The following XKR4 variants were observed in gnomAD, a reference collection of about 807,000 sequenced individuals.
XKR4 encodes XK-related protein 4.
XKR4 carries 12 observed loss-of-function variants against 53.9 expected under a neutral mutation model. The observed-to-expected ratio is 0.22, with a 90% CI of 0.14 to 0.36. The LOEUF is 0.36. Ranked by LOEUF, XKR4 falls within the 10% of genes least tolerant of loss-of-function variation. The pLI, the probability that XKR4 is intolerant of heterozygous loss-of-function variation, is 1.00. For synonymous variants in XKR4, 354 were observed against 362.4 expected (o/e 0.98, Z 0.26); for missense variants, 799 against 859.5 (o/e 0.93, Z 0.88).
chr8:55,421,169 T>C (rs1402545035), intron 2 of XKR4, among the ~76,000 whole-genome samples: 1 of 152,244 alleles, frequency 6.6e-6, no homozygotes, highest in East Asian at 1.9e-4. Context: ...TTGTAAAGTG[T>C]TCTGAGGTTT....
chr8:55,355,477 A>G (rs1803784538), intron 1 of XKR4, among the ~76,000 whole-genome samples: 1 of 152,200 alleles, frequency 6.6e-6, no homozygotes, highest in East Asian at 1.9e-4. Context: ...AAAAATTAAA[A>G]CTACACATGG....
intron 2 of XKR4, among the ~76,000 whole-genome samples, chr8:55,447,404 G>A (rs932893491): frequency 1.6e-4 from 24 of 152,164 alleles, no homozygotes; most frequent in African/African-American, 5.8e-4. Flanking sequence ...CCTGAGAGGG[G>A]AGAAAGGGAA....
chr8:55,256,597 G>A lies in XKR4; in HGVS notation c.807-101081G>A, dbSNP rs116527303. On this transcript the variant is annotated intron_variant, in intron 1 of 2. Coordinates refer to ENST00000327381, the MANE Select transcript of XKR4 (RefSeq NM_052898.2). ...CTTCATTTGCATGACTAGATGTAAG[G>A]GTATTTTCTCCATTGAGAGAGAGAA... 2.4e-3 allele frequency among the ~76,000 whole-genome samples: 370 copies of A among 152,324 alleles called. 2 individuals carry two copies. The highest frequency in any genetic ancestry group is 8.5e-3 in the African/African-American group (354 of 41,572).
intron 2 of XKR4, among the ~76,000 whole-genome samples, chr8:55,496,938 A>G (rs2129402917): frequency 1.3e-5 from 2 of 152,310 alleles, no homozygotes; most frequent in South Asian, 4.1e-4. Context: ...CAGCCTACCC[A>G]ATCTGTCCCT....
Position 55,490,930 on chromosome 8 carries a change from G to GC in XKR4, c.1007-32341dup, listed in dbSNP as rs113340434. On this transcript the variant is annotated intron_variant, in intron 2 of 2. Transcript: ENST00000327381. ...CATTATTTCTTCCAATATTTTTTCTGCCCCCCCCCCACCTTTATGACATTC... is the reference window on the plus strand; with the variant it reads ...CATTATTTCTTCCAATATTTTTTCTGCCCCCCCCCCCACCTTTATGACATTC... Among the ~76,000 whole-genome samples, 1,317 of 146,750 alleles carry GC rather than the reference G, an allele frequency of 9.0e-3. 14 individuals are homozygous for GC. Among genetic ancestry groups the GC allele is most frequent in the Admixed American group, 0.044 (640 of 14,654 alleles).
chr8:55,424,315 A>G lies in XKR4; in HGVS notation c.1006+66438A>G, dbSNP rs1476628126. On this transcript the variant is annotated intron_variant, in intron 2 of 2. Transcript: ENST00000327381. ...GCAGGGTGCCAAGTAGACCATAACC[A>G]TAATTGTTATAGTCAACATTTTTTA... Among the ~76,000 whole-genome samples the G allele has an allele frequency of 2.0e-5, 3 of 152,248 alleles. No individual in the cohort carries two copies. In the South Asian group the frequency reaches 6.2e-4, roughly 31 times the overall value.
chr8:55,209,141 G>C (rs1281660472), intron 1 of XKR4, among the ~76,000 whole-genome samples: 2 of 152,044 alleles, frequency 1.3e-5, no homozygotes, highest in South Asian at 2.1e-4. Context: ...GTAAATTCCA[G>C]CTCTGACCTC....
intron 2 of XKR4, among the ~76,000 whole-genome samples, chr8:55,406,784 G>A (rs1355277105): frequency 2.0e-5 from 3 of 152,194 alleles, no homozygotes; most frequent in Non-Finnish European, 4.4e-5. Context: ...GTTATCTGAT[G>A]CATATGAATC....
chr8:55,284,277 A>C (rs1818877656), intron 1 of XKR4, among the ~76,000 whole-genome samples: 1 of 152,218 alleles, frequency 6.6e-6, no homozygotes, highest in South Asian at 2.1e-4. Flanking sequence ...TATTTTATTA[A>C]ATTTTAATGA....
At chr8:55,304,528 C>G (rs1339028205) in intron 1 of XKR4, among the ~76,000 whole-genome samples, 2 of 152,152 alleles carry the variant, frequency 1.3e-5, no homozygotes, top group African/African-American at 2.4e-5. Flanking sequence ...TGGTGCAGAG[C>G]TGAGTTCAAT....
chr8:55,209,003 G>C (rs1817688212), intron 1 of XKR4, among the ~76,000 whole-genome samples: 1 of 152,136 alleles, frequency 6.6e-6, no homozygotes. Flanking sequence ...ACTGTCATTG[G>C]TTTTCTTGGT....
intron 2 of XKR4, among the ~76,000 whole-genome samples, chr8:55,489,898 A>G (rs1806248292): frequency 1.3e-5 from 2 of 152,178 alleles, no homozygotes; most frequent in Non-Finnish European, 2.9e-5. Context: ...TGATGTATAA[A>G]AACTTTATAA....
chr8:55,476,871 G>A (rs1805996599), intron 2 of XKR4, among the ~76,000 whole-genome samples: 1 of 152,134 alleles, frequency 6.6e-6, no homozygotes, highest in South Asian at 2.1e-4. Flanking sequence ...ACCCAGGCTT[G>A]ATTAGGTAAA....
At chr8:55,453,090 G>C in intron 2 of XKR4, 2 of 562,678 alleles carry the variant, frequency 3.6e-6, no homozygotes, top group Admixed American at 4.0e-5. Context: ...TGGGCTCCAG[G>C]TAAAGGACCC....
intron 1 of XKR4, among the ~76,000 whole-genome samples, chr8:55,227,935 CT>C (rs1817979077): frequency 6.6e-6 from 1 of 152,166 alleles, no homozygotes; most frequent in South Asian, 2.1e-4. Flanking sequence ...GAGATAGAGT[CT>C]TGCTATGTCA....
intron 2 of XKR4, chr8:55,452,686 C>T (rs1385067561): frequency 7.0e-7 from 1 of 1,424,460 alleles, no homozygotes; most frequent in Non-Finnish European, 9.9e-7. Context: ...CAGACCTTGT[C>T]CACAAAGCGG....
intron 2 of XKR4, among the ~76,000 whole-genome samples, chr8:55,395,101 C>G (rs1804495645): frequency 6.6e-6 from 1 of 152,024 alleles, no homozygotes; most frequent in Non-Finnish European, 1.5e-5. Context: ...CTTGAATAAT[C>G]AAAGCAATAG....
chr8:55,180,615 C>T (rs1036663164), intron 1 of XKR4, among the ~76,000 whole-genome samples: 7 of 152,174 alleles, frequency 4.6e-5, no homozygotes, highest in African/African-American at 7.2e-5. Context: ...TCACTGCAAC[C>T]TCCGCCTCCT....
chr8:55,354,621 A>G (rs1803772474), intron 1 of XKR4, among the ~76,000 whole-genome samples: 1 of 152,134 alleles, frequency 6.6e-6, no homozygotes, highest in Non-Finnish European at 1.5e-5. Context: ...AACTAAATTA[A>G]CTTTTAAAAC....
Sources: gnomAD v4.1 joint callset for allele counts (sites outside exome capture counted in the v4.1 genomes callset) on GRCh38, gnomAD v4.1.1 for gene constraint, MANE v1.5 for transcripts, NCBI Gene and HGNC (gene_info 2026-07-23, HGNC 2026-07-21) for gene names.